Variants in CDC42BPA observed in about 807,000 individuals in gnomAD.
CDC42BPA encodes the protein CDC42 binding protein kinase alpha, also known as serine/threonine-protein kinase MRCK alpha.
A neutral mutation model predicts 223.5 loss-of-function variants in CDC42BPA; 80 were observed. That is an observed-to-expected ratio of 0.36 (90% CI 0.30 to 0.43). The LOEUF is 0.43. Ranked by LOEUF, CDC42BPA falls within the 20% of genes least tolerant of loss-of-function variation. CDC42BPA has a pLI of 1.00. For synonymous variants in CDC42BPA, 694 were observed against 718.6 expected (o/e 0.97, Z 0.55); for missense variants, 1,743 against 2,099.9 (o/e 0.83, Z 3.32).
chr1:227,063,176 TTCTC>T (rs1676292366), intron 21 of CDC42BPA, among the ~76,000 whole-genome samples: 1 of 152,146 alleles, frequency 6.6e-6, no homozygotes, highest in African/African-American at 2.4e-5. Flanking sequence ...CCCACACACT[TTCTC>T]TCTCATATAT....
At chr1:227,269,186 T>C (rs1685570644) in intron 1 of CDC42BPA, among the ~76,000 whole-genome samples, 1 of 152,236 alleles carries the variant, frequency 6.6e-6, no homozygotes, top group African/African-American at 2.4e-5. Flanking sequence ...TATGTTCCAA[T>C]AAATCTGTAT....
intron 1 of CDC42BPA, among the ~76,000 whole-genome samples, chr1:227,260,286 T>G (rs1013810126): frequency 2.6e-5 from 4 of 151,198 alleles, no homozygotes; most frequent in African/African-American, 9.9e-5. Flanking sequence ...TATGTTTCTA[T>G]GTGAGTTCCT....
At chr1:227,208,904 T>G (rs1419890597) in intron 3 of CDC42BPA, among the ~76,000 whole-genome samples, 3 of 152,114 alleles carry the variant, frequency 2.0e-5, no homozygotes, top group African/African-American at 7.2e-5. Flanking sequence ...AAGTCATTGG[T>G]AGCTTTATGG....
chr1:227,197,997 G>A (rs902356836), intron 4 of CDC42BPA, among the ~76,000 whole-genome samples: 1 of 151,996 alleles, frequency 6.6e-6, no homozygotes, highest in Non-Finnish European at 1.5e-5. Flanking sequence ...AAAACTCTAT[G>A]CTATGGTTTT....
intron 12 of CDC42BPA, among the ~76,000 whole-genome samples, chr1:227,113,842 A>G (rs923698299): frequency 6.7e-6 from 1 of 149,796 alleles, no homozygotes; most frequent in African/African-American, 2.5e-5. Flanking sequence ...GTGAGACCTT[A>G]TCTCTACAAA....
intron 1 of CDC42BPA, among the ~76,000 whole-genome samples, chr1:227,288,280 T>G (rs1262179271): frequency 6.6e-6 from 1 of 152,074 alleles, no homozygotes; most frequent in African/African-American, 2.4e-5. Context: ...GAGGCAGAGG[T>G]GGGAGGATCA....
chr1:227,077,627 A>G (rs963949204), intron 17 of CDC42BPA, among the ~76,000 whole-genome samples: 1 of 152,110 alleles, frequency 6.6e-6, no homozygotes, highest in Non-Finnish European at 1.5e-5. Context: ...CCAAATTTAC[A>G]TTTCTAATCC....
At chr1:227,161,943 C>G (rs1408865650) in intron 5 of CDC42BPA, among the ~76,000 whole-genome samples, 1 of 152,164 alleles carries the variant, frequency 6.6e-6, no homozygotes, top group Non-Finnish European at 1.5e-5. Flanking sequence ...GTATTCTAAC[C>G]TGTTGAAAAA....
intron 34 of CDC42BPA, among the ~76,000 whole-genome samples, chr1:227,015,430 G>GA (rs955757995): frequency 6.8e-6 from 1 of 146,928 alleles, no homozygotes; most frequent in African/African-American, 2.5e-5. Context: ...CTCAAAAAAA[G>GA]AAAAAAAAGA....
intron 5 of CDC42BPA, among the ~76,000 whole-genome samples, chr1:227,168,260 T>A (rs539179742): frequency 1.8e-4 from 28 of 152,268 alleles, no homozygotes; most frequent in Admixed American, 1.4e-3. Context: ...CTTAAAAATA[T>A]CATATCACAT....
At position 227,199,037 on chromosome 1, in the gene CDC42BPA, C is replaced by T. The variant is rs370875789; in HGVS notation, c.450+520G>A. On this transcript the variant is annotated intron_variant, in intron 4 of 36. Transcript: ENST00000366766. ...TGCTGGGATTACAGGCGTGAGCCAC[C>T]GCATCCGGCCTATTTAAATGTTTCT... 3.7e-4 allele frequency among the ~76,000 whole-genome samples: 57 copies of T among 152,090 alleles called. 1 individual carries two copies. The South Asian group carries it at 0.011, about 29-fold the overall frequency.
intron 5 of CDC42BPA, among the ~76,000 whole-genome samples, chr1:227,185,163 TA>T (rs1553382343): frequency 6.9e-6 from 1 of 144,664 alleles, no homozygotes; most frequent in African/African-American, 2.6e-5. Flanking sequence ...TTTTTTTTTT[TA>T]AAAAAACAAA....
At chr1:227,161,663 C>T (rs1345665216) in intron 5 of CDC42BPA, among the ~76,000 whole-genome samples, 1 of 152,170 alleles carries the variant, frequency 6.6e-6, no homozygotes, top group East Asian at 1.9e-4. Flanking sequence ...GGTTTGCTGC[C>T]TGTTTTTGTA....
At chr1:227,256,989 A>ACACACACACACACACC (rs781287283) in intron 1 of CDC42BPA, among the ~76,000 whole-genome samples, 13 of 146,604 alleles carry the variant, frequency 8.9e-5, no homozygotes, top group African/African-American at 3.0e-4. Context: ...ACACACACAC[A>ACACACACACACACACC]CCAGTATGTT....
chr1:227,184,416 G>A (rs2150067963), intron 5 of CDC42BPA, among the ~76,000 whole-genome samples: 1 of 151,688 alleles, frequency 6.6e-6, no homozygotes, highest in East Asian at 1.9e-4. Context: ...TCTTATTTGA[G>A]CACCATTTGT....
intron 1 of CDC42BPA, among the ~76,000 whole-genome samples, chr1:227,310,788 G>A (rs374263813): frequency 5.3e-5 from 8 of 150,992 alleles, no homozygotes; most frequent in Admixed American, 3.3e-4. Flanking sequence ...CTGGGTTCAC[G>A]CCATTCTCCC....
intron 34 of CDC42BPA, 148 bp downstream of exon 34, chr1:227,015,932 T>C (rs924695376): frequency 3.8e-5 from 21 of 548,206 alleles, no homozygotes; most frequent in Non-Finnish European, 5.5e-5. Context: ...TATGTCATCA[T>C]GTATCTTAGA....
intron 6 of CDC42BPA, among the ~76,000 whole-genome samples, chr1:227,148,772 C>CAAAAAAAAAAAAAAAAAA (rs57635319): frequency 1.3e-5 from 1 of 78,786 alleles, no homozygotes; most frequent in African/African-American, 5.6e-5. Context: ...GTCTCAAAAG[C>CAAAAAAAAAAAAAAAAAA]AAAAAAAAAA....
Position 226,992,921 on chromosome 1 carries a change from G to A in CDC42BPA, c.*1347C>T, listed in dbSNP as rs1176356668. 6.6e-6 allele frequency: 1 copy of A among 152,192 alleles called. No homozygotes were observed. The highest frequency in any genetic ancestry group is 1.5e-5 in the Non-Finnish European group (1 of 68,052). 9.4% of individuals were successfully genotyped at this position (152,192 alleles called of 1,614,324 possible). A position where few individuals can be genotyped will look rare whatever the true frequency, so the allele number is the denominator to read the frequency against. ...GGAAGCCAGTCGGAGCGCCGTGCTGGGCTCACTCACTCTGGCCTGCGCACT... is the reference window on the plus strand; with the variant it reads ...GGAAGCCAGTCGGAGCGCCGTGCTGAGCTCACTCACTCTGGCCTGCGCACT... On this transcript the variant is annotated 3_prime_UTR_variant, in exon 37 of 37. Transcript: ENST00000366766.
Sources: allele counts gnomAD v4.1 joint callset (sites outside exome capture counted in the v4.1 genomes callset), GRCh38; gene constraint gnomAD v4.1.1; transcripts MANE v1.5; gene names NCBI Gene and HGNC (gene_info 2026-07-23, HGNC 2026-07-21).